EHMT1: variants seen among roughly 807,000 people sequenced by gnomAD.
EHMT1 encodes histone-lysine N-methyltransferase EHMT1.
EHMT1 carries 15 observed loss-of-function variants against 147.2 expected under a neutral mutation model. That is an observed-to-expected ratio of 0.10 (90% CI 0.07 to 0.16). EHMT1 has a LOEUF of 0.16. EHMT1 is among the 10% of genes least tolerant of loss of function. EHMT1 has a pLI of 1.00. For synonymous variants in EHMT1, 795 were observed against 709.6 expected, an observed-to-expected ratio of 1.12 and a Z score of -1.91; for missense variants, 1,587 against 1,772.4, an observed-to-expected ratio of 0.90 and a Z score of 1.88.
intron 1 of EHMT1, among the ~76,000 whole-genome samples, chr9:137,681,582 G>A (rs1564580375): frequency 6.6e-6 from 1 of 152,032 alleles, no homozygotes; most frequent in Admixed American, 6.6e-5. Flanking sequence ...TTCCCTGCTT[G>A]TCCAGGTGAC....
At chr9:137,797,434 G>A (rs1490959126) in intron 16 of EHMT1, among the ~76,000 whole-genome samples, 1 of 152,132 alleles carries the variant, frequency 6.6e-6, no homozygotes, top group Admixed American at 6.5e-5. Context: ...GCTGGCGTCT[G>A]TCTCTCACCT....
intron 10 of EHMT1, 90 bp downstream of exon 10, chr9:137,762,910 T>A: frequency 6.4e-7 from 1 of 1,564,432 alleles, no homozygotes; most frequent in Non-Finnish European, 8.7e-7. Flanking sequence ...CTCGAGTGAG[T>A]TGTGCTGCGT....
intron 25 of EHMT1, among the ~76,000 whole-genome samples, chr9:137,824,247 T>C (rs1024382720): frequency 2.6e-5 from 4 of 152,100 alleles, no homozygotes; most frequent in African/African-American, 9.7e-5. Context: ...CTCAAAGATG[T>C]GGGTTTGAAG....
chr9:137,736,325 A>T (rs1402940325), intron 4 of EHMT1, among the ~76,000 whole-genome samples: 1 of 152,254 alleles, frequency 6.6e-6, no homozygotes, highest in Non-Finnish European at 1.5e-5. Flanking sequence ...AAGATACAAG[A>T]AGTAAAACTG....
At chr9:137,726,602 A>G (rs1201544797) in intron 3 of EHMT1, among the ~76,000 whole-genome samples, 3 of 152,038 alleles carry the variant, frequency 2.0e-5, no homozygotes, top group Non-Finnish European at 4.4e-5. Flanking sequence ...GCATCTCTTC[A>G]AGACCCTGCT....
chr9:137,736,759 C>G (rs1005435274), intron 4 of EHMT1, among the ~76,000 whole-genome samples: 1 of 152,130 alleles, frequency 6.6e-6, no homozygotes, highest in Non-Finnish European at 1.5e-5. Context: ...GGCGTGGTGG[C>G]ACGTCCCTGT....
At chr9:137,665,766 TC>T (rs1939575660) in intron 1 of EHMT1, among the ~76,000 whole-genome samples, 1 of 152,238 alleles carries the variant, frequency 6.6e-6, no homozygotes, top group South Asian at 2.1e-4. Context: ...TTAAATGGTT[TC>T]CATCTGAGAA....
chr9:137,801,053 C>G (rs1953438485), intron 18 of EHMT1, 69 bp downstream of exon 18: 1 of 1,451,260 alleles, frequency 6.9e-7, no homozygotes, highest in African/African-American at 1.4e-5. Context: ...CCAGAAGGTT[C>G]TTTTCTCAAA....
At chr9:137,829,131 G>C (rs866467135) in intron 25 of EHMT1, among the ~76,000 whole-genome samples, 56 of 152,184 alleles carry the variant, frequency 3.7e-4, no homozygotes, top group Non-Finnish European at 1.6e-4. Flanking sequence ...GCCACCACCT[G>C]TCTGCCACCT....
Position 137,731,960 on chromosome 9 carries a change from G to A in EHMT1, c.823+3431G>A, listed in dbSNP as rs926879716. On this transcript the variant is annotated intron_variant, in intron 4 of 26. Transcript: ENST00000460843. This position sits in a 1 kb window ranked among gnomAD's most constrained non-coding sequence, Gnocchi z 4.3. ...GCTGGCGTCTAGATGAGGGGAACAC[G>A]GTGGTGCCCCAAAACTCGGAGTCAC... Among the ~76,000 whole-genome samples, 2 of 152,214 alleles carry A rather than the reference G, an allele frequency of 1.3e-5. No individual in the cohort carries two copies. The highest frequency in any genetic ancestry group is 2.9e-5 in the Non-Finnish European group (2 of 68,022).
intron 1 of EHMT1, among the ~76,000 whole-genome samples, chr9:137,632,058 C>T (rs1038786216): frequency 6.6e-6 from 1 of 152,166 alleles, no homozygotes; most frequent in Non-Finnish European, 1.5e-5. Context: ...AAGCCATGGG[C>T]TACACCACAC....
intron 23 of EHMT1, chr9:137,816,454 C>G (rs919205277): frequency 2.9e-6 from 1 of 342,610 alleles, no homozygotes; most frequent in South Asian, 2.3e-5. Context: ...CTGGGCTTCC[C>G]TAACAGTGAG....
intron 4 of EHMT1, among the ~76,000 whole-genome samples, chr9:137,739,713 C>A (rs747616526): frequency 6.6e-6 from 1 of 152,242 alleles, no homozygotes. Flanking sequence ...GCTTCCCTTG[C>A]GCTTTTTTGC....
At chr9:137,794,807 C>T (rs1952776161) in intron 16 of EHMT1, among the ~76,000 whole-genome samples, 2 of 152,134 alleles carry the variant, frequency 1.3e-5, no homozygotes, top group African/African-American at 4.8e-5. Context: ...ATCCTACATC[C>T]AGTAAACGTA....
chr9:137,716,851 C>G lies in EHMT1; in HGVS notation c.311C>G (p.Ala104Gly), dbSNP rs142199482. 6.2e-7 allele frequency: 1 copy of G among 1,613,248 alleles called. No homozygotes were observed. Among genetic ancestry groups the G allele is most frequent in the South Asian group, 1.1e-5 (1 of 91,084 alleles). The change falls in exon 3 of 27, where the codon GCG becomes GGG. Residue 104 changes from alanine (A) to glycine (G), a missense_variant. By Grantham distance (60) the Ala-to-Gly change is moderately conservative. Around this residue, in one of 7 missense-constraint regions of EHMT1, gnomAD observed 810 missense variants for 673.0 expected, o/e 1.20. Transcript: ENST00000460843. ...GTTTCAGAAAGAGACTCAGAAGCGG[C>G]GAAGCAAAACCACGTCACTGCCGAC... Reference protein sequence around the residue: ...NGVSERDSEAAKQNHVTADDF... With the variant: ...NGVSERDSEAGKQNHVTADDF...
At chr9:137,797,818 A>AC (rs779993258) in intron 16 of EHMT1, among the ~76,000 whole-genome samples, 9 of 151,930 alleles carry the variant, frequency 5.9e-5, no homozygotes, top group Non-Finnish European at 1.0e-4. Context: ...GGAGACAGGA[A>AC]CAGGGGAGCA....
At chr9:137,710,881 A>AC (rs1001030566) in intron 1 of EHMT1, 86 bp from the exon 2 acceptor site, 3 of 1,468,556 alleles carry the variant, frequency 2.0e-6, no homozygotes, top group African/African-American at 2.8e-5. Flanking sequence ...TGTAACTACG[A>AC]TTTTTTGACT....
chr9:137,774,829 G>A lies in EHMT1; in HGVS notation c.1648-280G>A, dbSNP rs116126257. Among the ~76,000 whole-genome samples the A allele has an allele frequency of 5.8e-3, 880 of 151,888 alleles. 8 individuals are homozygous for A. The highest frequency in any genetic ancestry group is 0.027 in the Middle Eastern group (8 of 294). On this transcript the variant is annotated intron_variant, in intron 10 of 26. Transcript: ENST00000460843. ...CCCCCTGGATCTGGTGGGTGTGGTCGCGCCTGGCCCACTGGACCTGCTCAT... is the reference window on the plus strand; with the variant it reads ...CCCCCTGGATCTGGTGGGTGTGGTCACGCCTGGCCCACTGGACCTGCTCAT...
At chr9:137,796,413 C>T (rs993085445) in intron 16 of EHMT1, among the ~76,000 whole-genome samples, 1 of 152,116 alleles carries the variant, frequency 6.6e-6, no homozygotes, top group African/African-American at 2.4e-5. Flanking sequence ...ATATAAAGAA[C>T]TACAAATGAG....
Sources: allele counts gnomAD v4.1 joint callset (sites outside exome capture counted in the v4.1 genomes callset), GRCh38; gene constraint gnomAD v4.1.1; regional missense constraint gnomAD v4.1.1; non-coding constraint Gnocchi (gnomAD v3.1); transcripts MANE v1.5; gene names NCBI Gene and HGNC (gene_info 2026-07-23, HGNC 2026-07-21).